UNC13C: variants seen among roughly 807,000 people sequenced by gnomAD.
UNC13C encodes protein unc-13 homolog C.
In UNC13C, 174 loss-of-function variants were observed where a neutral mutation model predicts 245.4. That is an observed-to-expected ratio of 0.71 (90% CI 0.63 to 0.80). The LOEUF (loss-of-function observed/expected upper bound fraction) is 0.80, where lower values mean the gene tolerates loss of function less well. UNC13C is among the 30% of genes least tolerant of loss of function. The probability of loss-of-function intolerance (pLI) is 0.00; values close to 1 mark genes in which losing one functional copy is unlikely to be tolerated. For synonymous variants in UNC13C, 992 were observed against 895.1 expected (o/e 1.11, Z -1.93); for missense variants, 2,829 against 2,602.9 (o/e 1.09, Z -1.89).
intron 4 of UNC13C, among the ~76,000 whole-genome samples, chr15:54,227,809 G>C (rs1205314151): frequency 6.6e-6 from 1 of 152,188 alleles, no homozygotes; most frequent in African/African-American, 2.4e-5. Flanking sequence ...CTTGAAGCCG[G>C]TATAGTACTG....
At position 54,546,733 on chromosome 15, in the gene UNC13C, C is replaced by T. The variant is rs1314872245; in HGVS notation, c.5708C>T (p.Ser1903Leu). 9 of 1,500,408 alleles carry T rather than the reference C, an allele frequency of 6.0e-6. No individual in the cohort carries two copies. The highest frequency in any genetic ancestry group is 1.4e-5 in the African/African-American group (1 of 69,868). The allele number at this position is 1,500,408 out of a possible 1,614,324, so 92.9% of individuals were successfully genotyped here. Residue 1903 changes from serine (S) to leucine (L), a missense_variant, in exon 27 of 33, where the codon TCA (serine) becomes TTA (leucine). Ser to Leu is a moderately radical substitution (Grantham distance 145). Transcript: ENST00000260323. ...MDFLDKTLSL[S>L]AKICEKTVLK... is the part of the protein sequence containing the mutation. ...TATTTTTTTTTCAGATTAAGTCTCT[C>T]AGCAAAAATCTGTGAGAAAACAGTC...
chr15:54,540,511 G>A (rs1467964904), intron 26 of UNC13C, among the ~76,000 whole-genome samples: 2 of 152,044 alleles, frequency 1.3e-5, no homozygotes, highest in East Asian at 3.9e-4. Flanking sequence ...GAATTAAAGA[G>A]GCATTTGCTA....
chr15:53,943,503 G>C, the UNC13C span, among the ~76,000 whole-genome samples: 1 of 152,130 alleles, frequency 6.6e-6, no homozygotes. Flanking sequence ...GAGAGGGATT[G>C]ATTTGAAGCC....
chr15:54,614,265 T>A (rs1022912805), intron 30 of UNC13C, among the ~76,000 whole-genome samples: 1 of 151,940 alleles, frequency 6.6e-6, no homozygotes, highest in Non-Finnish European at 1.5e-5. Flanking sequence ...AGAACTTGGG[T>A]CGTTGCTAAT....
the UNC13C span, among the ~76,000 whole-genome samples, chr15:53,870,895 A>G: frequency 6.6e-6 from 1 of 152,120 alleles, no homozygotes; most frequent in Non-Finnish European, 1.5e-5. Flanking sequence ...TCCCTTCCTC[A>G]TGTCTTTCCT....
rs1283960029 is a variant in UNC13C at position 54,332,044 on chromosome 15, G to A, written c.4427G>A (p.Arg1476Lys). ...SDRFAATNFG[R>K]EKFIKLLDQL... ...CTATTTTGTGTTTGCTTTGTACAGA[G>A]GGAAAAATTCATAAAACTACTGGAC... is the stretch of plus-strand genomic sequence containing the variant. Residue 1476 changes from arginine (R) to lysine (K), a missense_variant and splice_region_variant, in exon 15 of 33, where the codon AGG (arginine) becomes AAG (lysine). Physicochemically the swap from Arg to Lys is conservative, Grantham distance 26. Coordinates refer to ENST00000260323, the MANE Select transcript of UNC13C (RefSeq NM_001080534.3). The A allele has an allele frequency of 6.3e-6, 10 of 1,576,318 alleles. No homozygotes were observed. In the South Asian group the frequency reaches 1.2e-4, roughly 18 times the overall value.
intron 19 of UNC13C, among the ~76,000 whole-genome samples, chr15:54,455,729 T>C (rs775731111): frequency 2.0e-5 from 3 of 152,036 alleles, no homozygotes; most frequent in Non-Finnish European, 4.4e-5. Flanking sequence ...GATTATTATT[T>C]TGCTGATTTA....
At chr15:54,051,927 A>T (rs1187400262) in intron 2 of UNC13C, among the ~76,000 whole-genome samples, 2 of 111,458 alleles carry the variant, frequency 1.8e-5, no homozygotes, top group Non-Finnish European at 3.6e-5. Context: ...CCACCCCACC[A>T]CAGTCCCCAG....
At chr15:53,890,327 G>C in the UNC13C span, among the ~76,000 whole-genome samples, 1 of 152,024 alleles carries the variant, frequency 6.6e-6, no homozygotes, top group African/African-American at 2.4e-5. Context: ...ATTTTTAGTA[G>C]AGGTGGGATT....
chr15:53,881,765 A>G, the UNC13C span, among the ~76,000 whole-genome samples: 1 of 152,198 alleles, frequency 6.6e-6, no homozygotes, highest in African/African-American at 2.4e-5. Context: ...TGTTCTCAAA[A>G]GTTTTTCAAT....
At chr15:54,415,750 G>C (rs947393863) in intron 19 of UNC13C, among the ~76,000 whole-genome samples, 1 of 152,166 alleles carries the variant, frequency 6.6e-6, no homozygotes, top group Non-Finnish European at 1.5e-5. Flanking sequence ...GGATGCAACA[G>C]TGAACAAGAT....
At chr15:54,234,908 C>A (rs1374263593) in intron 4 of UNC13C, 122 bp from the exon 5 acceptor site, 4 of 785,376 alleles carry the variant, frequency 5.1e-6, no homozygotes, top group Non-Finnish European at 8.1e-6. Flanking sequence ...CTTTGTGAAT[C>A]GTTTGAAAAC....
chr15:54,565,537 G>A (rs1897472903), intron 29 of UNC13C, among the ~76,000 whole-genome samples: 3 of 151,908 alleles, frequency 2.0e-5, no homozygotes, highest in South Asian at 2.1e-4. Flanking sequence ...GAGTATAATT[G>A]TGATATCCAT....
At position 54,237,625 on chromosome 15, in the gene UNC13C, G is replaced by A. The variant is rs759862621; in HGVS notation, c.3163G>A (p.Ala1055Thr). Residue 1055 changes from alanine to threonine, a missense_variant, in exon 7 of 33, where the codon GCT becomes ACT. Transcript: ENST00000260323. ...PIVRDVAMTL[A>T]ARKSGLSLAM... is the part of the protein sequence containing the mutation. ...ATAATTCTGTTTGTTTTAGACCCTGGCTGCCCGGAAATCTGGACTCTCCCT... is the reference window on the plus strand; with the variant it reads ...ATAATTCTGTTTGTTTTAGACCCTGACTGCCCGGAAATCTGGACTCTCCCT... 2 of 1,611,632 alleles carry A rather than the reference G, an allele frequency of 1.2e-6. No individual in the cohort carries two copies. The highest frequency in any genetic ancestry group is 2.2e-5 in the South Asian group (2 of 90,158).
At chr15:54,426,495 CA>C (rs112917754) in intron 19 of UNC13C, among the ~76,000 whole-genome samples, 37,071 of 147,772 alleles carry the variant, frequency 0.25, 4,699 homozygotes, top group Admixed American at 0.3. Context: ...AGTCTGAAAA[CA>C]AAAAAAAATA....
chr15:54,154,092 AT>A (rs2032640162), intron 4 of UNC13C, among the ~76,000 whole-genome samples: 1 of 152,032 alleles, frequency 6.6e-6, no homozygotes, highest in Non-Finnish European at 1.5e-5. Context: ...AATAAATTAT[AT>A]ATTGTTGTAG....
chr15:53,861,498 C>G, the UNC13C span, among the ~76,000 whole-genome samples: 1 of 152,028 alleles, frequency 6.6e-6, no homozygotes. Flanking sequence ...TCATCTTTAT[C>G]ACACTTGTTC....
the UNC13C span, among the ~76,000 whole-genome samples, chr15:53,898,375 A>G: frequency 0.27 from 41,403 of 152,042 alleles, 6,034 homozygotes; most frequent in South Asian, 0.36. Flanking sequence ...GACCTAACTG[A>G]TTCTAAAAGT....
intron 17 of UNC13C, among the ~76,000 whole-genome samples, chr15:54,340,876 C>T (rs143457652): frequency 6.2e-4 from 94 of 152,166 alleles, no homozygotes; most frequent in African/African-American, 2.2e-3. Flanking sequence ...TTGCTTTTGG[C>T]AGTATGGTCA....
Sources: allele counts gnomAD v4.1 joint callset (sites outside exome capture counted in the v4.1 genomes callset), GRCh38; gene constraint gnomAD v4.1.1; transcripts MANE v1.5; gene names NCBI Gene and HGNC (gene_info 2026-07-23, HGNC 2026-07-21).